ADD1: variants seen among roughly 807,000 people sequenced by gnomAD.
ADD1 encodes the protein adducin 1.
ADD1 carries 24 observed loss-of-function variants against 80.5 expected under a neutral mutation model. That is an observed-to-expected ratio of 0.30 (90% CI 0.22 to 0.42). The LOEUF (loss-of-function observed/expected upper bound fraction) is 0.42, where lower values mean the gene tolerates loss of function less well. ADD1 is among the 10% of genes least tolerant of loss of function. The pLI is 1.00. For missense variants in ADD1, 948 were observed against 1,019.0 expected (o/e 0.93, Z 0.95); for synonymous variants, 373 against 393.8 (o/e 0.95, Z 0.63).
chr4:2,896,123 G>A (rs1015867648), intron 6 of ADD1, among the ~76,000 whole-genome samples: 5 of 151,950 alleles, frequency 3.3e-5, no homozygotes, highest in South Asian at 2.1e-4. Context: ...GCCTGACCTC[G>A]TGATCCGCCC....
At chr4:2,912,517 GATTTTTATTTGT>G (rs1738249647) in intron 13 of ADD1, among the ~76,000 whole-genome samples, 1 of 150,940 alleles carries the variant, frequency 6.6e-6, no homozygotes, top group Admixed American at 6.6e-5. Context: ...TGTGCCAATG[GATTTTTATTTGT>G]ATTTTTATTT....
At chr4:2,877,126 G>A (rs1047302189) in intron 2 of ADD1, among the ~76,000 whole-genome samples, 3 of 152,080 alleles carry the variant, frequency 2.0e-5, no homozygotes, top group African/African-American at 7.2e-5. Context: ...GGCCAACTGA[G>A]TGTTTTCCAG....
rs750544300 is a variant in ADD1, at chr4:2,904,957, G to C, written c.1355G>C (p.Arg452Pro). The change falls in exon 10 of 16, where the codon CGG becomes CCG. Residue 452 changes from arginine to proline, a missense_variant. Physicochemically the swap from Arg to Pro is moderately radical, Grantham distance 103. Coordinates refer to ENST00000683351, the MANE Select transcript of ADD1 (RefSeq NM_001354761.2). ...AAGACAAGATGGCTGAACTCTGGCC[G>C]GGGCGACGAAGCTTCCGAGGAAGGG... ...REKTRWLNSG[R>P]GDEASEEGQN... 1 of 1,614,160 alleles carries C rather than the reference G, an allele frequency of 6.2e-7. No homozygotes were observed. The highest frequency in any genetic ancestry group is 8.5e-7 in the Non-Finnish European group (1 of 1,180,028).
chr4:2,924,138 C>T (rs972140895), intron 14 of ADD1, among the ~76,000 whole-genome samples: 3 of 152,220 alleles, frequency 2.0e-5, no homozygotes, highest in African/African-American at 7.2e-5. Flanking sequence ...CTTGGTAGCC[C>T]GCTGACAAAG....
intron 1 of ADD1, among the ~76,000 whole-genome samples, chr4:2,854,343 CAAGA>C (rs1200114510): frequency 1.3e-5 from 2 of 152,054 alleles, no homozygotes; most frequent in East Asian, 1.9e-4. Flanking sequence ...AGCAAGCAAG[CAAGA>C]AAGAAAGAAT....
intron 8 of ADD1, chr4:2,898,843 C>T (rs555353404): frequency 9.6e-6 from 4 of 416,958 alleles, no homozygotes; most frequent in South Asian, 4.9e-5. Flanking sequence ...TGTGATGTCA[C>T]GTGACCCCCA....
At position 2,929,212 on chromosome 4, in the gene ADD1, G is replaced by A. The variant is rs1712573246; in HGVS notation, c.*689G>A. The A allele has an allele frequency of 6.6e-6, 1 of 152,202 alleles. No homozygotes were observed. The allele number at this position is 152,202 out of a possible 1,614,324, so 9.4% of individuals were successfully genotyped here. A position where few individuals can be genotyped will look rare whatever the true frequency, so the allele number is the denominator to read the frequency against. ...TTGGGTCTCTGGATTCCTGTCATAG[G>A]GAAGGTATATCAGGAGGGGAAGAGG... On this transcript the variant is annotated 3_prime_UTR_variant, in exon 16 of 16. Coordinates refer to ENST00000683351, the MANE Select transcript of ADD1 (RefSeq NM_001354761.2).
At chr4:2,914,830 G>C in intron 13 of ADD1, 54 bp from the exon 14 acceptor site, 1 of 1,534,678 alleles carries the variant, frequency 6.5e-7, no homozygotes, top group Non-Finnish European at 8.8e-7. Context: ...TGGGAGGAGG[G>C]AGAGTCCCCA....
chr4:2,848,627 C>T (rs1016787025), intron 1 of ADD1, among the ~76,000 whole-genome samples: 5 of 151,346 alleles, frequency 3.3e-5, no homozygotes, highest in Admixed American at 6.6e-5. Flanking sequence ...TGCCAACAGG[C>T]TTGGCTAATT....
At chr4:2,875,828 G>GT (rs984773518) in intron 1 of ADD1, 68 bp from the exon 2 acceptor site, 8 of 1,270,362 alleles carry the variant, frequency 6.3e-6, no homozygotes, top group Non-Finnish European at 7.6e-6. Flanking sequence ...CCAAGCTCAT[G>GT]TGCTCATCAT....
At position 2,926,465 on chromosome 4, in the gene ADD1, T is replaced by C. The variant is rs1711648511; in HGVS notation, c.2047+353T>C. On this transcript the variant is annotated intron_variant, in intron 15 of 15. Coordinates refer to ENST00000683351, the MANE Select transcript of ADD1 (RefSeq NM_001354761.2). This position sits in a 1 kb window ranked among gnomAD's most constrained non-coding sequence, Gnocchi z 5.0. ...GTGTGAGCCACACGCCGGCTGCCTC[T>C]CAGCCACCGTGTGTCTGTGGTGTGT... 1.4e-6 allele frequency: 1 copy of C among 729,386 alleles called. No individual in the cohort carries two copies. Among genetic ancestry groups the C allele is most frequent in the African/African-American group, 1.7e-5 (1 of 57,840 alleles). 45.2% of individuals were successfully genotyped at this position (729,386 alleles called of 1,614,324 possible). A position where few individuals can be genotyped will look rare whatever the true frequency, so the allele number is the denominator to read the frequency against.
intron 6 of ADD1, among the ~76,000 whole-genome samples, chr4:2,895,647 G>A (rs1038843788): frequency 1.3e-5 from 2 of 152,132 alleles, no homozygotes; most frequent in African/African-American, 2.4e-5. Flanking sequence ...ACGAGGCTTA[G>A]CTTCCAAGCT....
chr4:2,925,147 C>T (rs1300099181), intron 14 of ADD1, among the ~76,000 whole-genome samples: 1 of 152,174 alleles, frequency 6.6e-6, no homozygotes. Flanking sequence ...GGCTGGCTGC[C>T]AGAGGTCAGC....
chr4:2,860,930 CT>C (rs1208776720), intron 1 of ADD1, among the ~76,000 whole-genome samples: 2 of 152,124 alleles, frequency 1.3e-5, no homozygotes, highest in African/African-American at 4.8e-5. Context: ...ATGGTAAGTA[CT>C]TTGAAGGGTA....
At chr4:2,899,001 C>G (rs929403980) in intron 8 of ADD1, 5 of 473,250 alleles carry the variant, frequency 1.1e-5, no homozygotes, top group African/African-American at 2.0e-5. Flanking sequence ...GTAGTGAAGT[C>G]CCAAGTCCTT....
At chr4:2,854,429 C>T (rs982888346) in intron 1 of ADD1, among the ~76,000 whole-genome samples, 1 of 152,174 alleles carries the variant, frequency 6.6e-6, no homozygotes, top group African/African-American at 2.4e-5. Context: ...TTTTTGCTTG[C>T]ATTGCTCATA....
chr4:2,885,263 C>G (rs1245755272), intron 4 of ADD1, among the ~76,000 whole-genome samples: 1 of 152,166 alleles, frequency 6.6e-6, no homozygotes, highest in African/African-American at 2.4e-5. Context: ...CAATCCTGTA[C>G]TCTCCCTCCC....
In ADD1 at chr4:2,885,897, ACC is replaced by A. The variant is rs1491316272; in HGVS notation, c.510+1233_510+1234del. On this transcript the variant is annotated intron_variant, in intron 4 of 15. Transcript: ENST00000683351. ...AGTGCTGGGATTACAGGCGTGAGCCACCCTGCCCGGCCCCTTCCTGCCTTGTT... is the reference window on the plus strand; with the variant it reads ...AGTGCTGGGATTACAGGCGTGAGCCACTGCCCGGCCCCTTCCTGCCTTGTT... Among the ~76,000 whole-genome samples the A allele has an allele frequency of 1.5e-4, 23 of 152,080 alleles. No individual in the cohort carries two copies. The East Asian group carries it at 2.7e-3, about 18-fold the overall frequency.
intron 13 of ADD1, among the ~76,000 whole-genome samples, chr4:2,914,117 C>A (rs1403489415): frequency 6.6e-6 from 1 of 151,884 alleles, no homozygotes; most frequent in Non-Finnish European, 1.5e-5. Context: ...CTGCCCCTGA[C>A]CCAATCAGGC....
Sources: allele counts gnomAD v4.1 joint callset (sites outside exome capture counted in the v4.1 genomes callset), GRCh38; gene constraint gnomAD v4.1.1; non-coding constraint Gnocchi (gnomAD v3.1); transcripts MANE v1.5; gene names NCBI Gene and HGNC (gene_info 2026-07-23, HGNC 2026-07-21).